PRKCE: variants seen among roughly 807,000 people sequenced by gnomAD.
PRKCE encodes the protein protein kinase C epsilon, also known as protein kinase C epsilon type.
Under a neutral mutation model 85.4 loss-of-function variants are expected in PRKCE, and 16 were observed. That is an observed-to-expected ratio of 0.19 (90% CI 0.13 to 0.28). PRKCE has a LOEUF of 0.28. Ranked by LOEUF, PRKCE falls within the 10% of genes least tolerant of loss-of-function variation. PRKCE has a pLI of 1.00. For missense variants in PRKCE, 573 were observed against 975.2 expected (o/e 0.59, Z 5.49); for synonymous variants, 388 against 371.5 (o/e 1.04, Z -0.51).
intron 2 of PRKCE, among the ~76,000 whole-genome samples, chr2:45,922,962 G>A (rs1323385088): frequency 1.3e-5 from 2 of 152,148 alleles, no homozygotes; most frequent in African/African-American, 4.8e-5. Flanking sequence ...GATATCCCTG[G>A]CTTTACAGGG....
chr2:45,694,215 AG>A (rs1258405841), intron 1 of PRKCE, among the ~76,000 whole-genome samples: 2 of 150,906 alleles, frequency 1.3e-5, no homozygotes, highest in Non-Finnish European at 2.9e-5. Context: ...CAAGTATTAA[AG>A]CCAGGTAAAA....
intron 2 of PRKCE, among the ~76,000 whole-genome samples, chr2:45,970,793 G>T (rs1227810433): frequency 6.6e-6 from 1 of 151,604 alleles, no homozygotes; most frequent in Non-Finnish European, 1.5e-5. Context: ...ATTTAAGAGT[G>T]AAGTGTCACT....
Position 46,086,272 on chromosome 2 carries a change from C to T in PRKCE, c.1502C>T (p.Ser501Phe). 1 of 1,599,712 alleles carries T rather than the reference C, an allele frequency of 6.3e-7. No homozygotes were observed. Residue 501 changes from serine (S) to phenylalanine (F), a missense_variant, in exon 11 of 15, where the codon TCC (serine) becomes TTC (phenylalanine). Physicochemically the swap from Ser to Phe is radical, Grantham distance 155. Transcript: ENST00000306156. ...GACCTCATGTTTCAGATTCAGCGCTCCCGAAAATTCGACGAGCCTCGTTCA... is the reference window on the plus strand; with the variant it reads ...GACCTCATGTTTCAGATTCAGCGCTTCCGAAAATTCGACGAGCCTCGTTCA... ...GGDLMFQIQRSRKFDEPRSRF... is the reference protein window; with the variant it reads ...GGDLMFQIQRFRKFDEPRSRF...
intron 1 of PRKCE, among the ~76,000 whole-genome samples, chr2:45,798,788 T>TA (rs1558684203): frequency 9.9e-5 from 15 of 151,888 alleles, no homozygotes; most frequent in African/African-American, 3.6e-4. Context: ...TTACCTGTTT[T>TA]CAGTGTTTTT....
intron 1 of PRKCE, among the ~76,000 whole-genome samples, chr2:45,787,890 C>T (rs1162965930): frequency 6.6e-6 from 1 of 152,130 alleles, no homozygotes; most frequent in African/African-American, 2.4e-5. Flanking sequence ...AACCAGCGGC[C>T]CATCCAGAGC....
intron 14 of PRKCE, among the ~76,000 whole-genome samples, chr2:46,177,565 T>C (rs1438991594): frequency 6.6e-6 from 1 of 152,190 alleles, no homozygotes; most frequent in East Asian, 1.9e-4. Context: ...CCTCTGTGCA[T>C]GTCTGTCTCT....
intron 2 of PRKCE, among the ~76,000 whole-genome samples, chr2:45,931,251 G>T (rs191725912): frequency 6.6e-6 from 1 of 152,304 alleles, no homozygotes; most frequent in Non-Finnish European, 1.5e-5. Context: ...TTAAGCAAAT[G>T]GTTTTGTGAT....
At chr2:46,005,220 C>T (rs866358915) in intron 8 of PRKCE, among the ~76,000 whole-genome samples, 3 of 152,200 alleles carry the variant, frequency 2.0e-5, no homozygotes, top group East Asian at 1.9e-4. Context: ...CAGATATCTC[C>T]TTCTGTCCGA....
At chr2:46,140,424 G>A (rs1483209259) in intron 11 of PRKCE, among the ~76,000 whole-genome samples, 1 of 152,104 alleles carries the variant, frequency 6.6e-6, no homozygotes, top group Non-Finnish European at 1.5e-5. Flanking sequence ...CAATCAGTGA[G>A]GAAAAGATGA....
In PRKCE at chr2:46,004,685, A is replaced by G. The variant is rs764282153; in HGVS notation, c.1063+47A>G. On this transcript the variant is annotated intron_variant, in intron 8 of 14. Coordinates refer to ENST00000306156, the MANE Select transcript of PRKCE (RefSeq NM_005400.3). This position sits in a 1 kb window ranked among gnomAD's most constrained non-coding sequence, Gnocchi z 4.1. Reference sequence around the variant, plus strand: ...CCTGACCTCTGAGTTCTGCCATTGGATGGACCAAGGAGCTCTGAGGCCTCT... The same window carrying G: ...CCTGACCTCTGAGTTCTGCCATTGGGTGGACCAAGGAGCTCTGAGGCCTCT... 1.4e-6 allele frequency: 2 copies of G among 1,476,718 alleles called. No homozygotes were observed. The highest frequency in any genetic ancestry group is 1.8e-6 in the Non-Finnish European group (2 of 1,090,106). 91.5% of individuals were successfully genotyped at this position (1,476,718 alleles called of 1,614,324 possible).
At chr2:46,031,270 G>A (rs898575732) in intron 10 of PRKCE, among the ~76,000 whole-genome samples, 31 of 152,136 alleles carry the variant, frequency 2.0e-4, no homozygotes, top group African/African-American at 7.5e-4. Flanking sequence ...TTGGCTCTCA[G>A]CCTGCTGTCT....
chr2:45,899,267 C>T (rs1258980905), intron 2 of PRKCE, among the ~76,000 whole-genome samples: 1 of 152,180 alleles, frequency 6.6e-6, no homozygotes, highest in Non-Finnish European at 1.5e-5. Context: ...CTTTTTCCCC[C>T]TTTTGATATT....
At chr2:46,033,255 A>G (rs1227178890) in intron 10 of PRKCE, among the ~76,000 whole-genome samples, 1 of 152,158 alleles carries the variant, frequency 6.6e-6, no homozygotes, top group Non-Finnish European at 1.5e-5. Flanking sequence ...TTGGTGAGAG[A>G]GGTCTGGTAG....
At chr2:46,136,579 C>T (rs1052180248) in intron 11 of PRKCE, among the ~76,000 whole-genome samples, 1 of 152,142 alleles carries the variant, frequency 6.6e-6, no homozygotes, top group African/African-American at 2.4e-5. Context: ...TATCTGCAAA[C>T]CTATGATGAT....
chr2:46,145,260 C>T lies in PRKCE; in HGVS notation c.1731+29C>T. The T allele has an allele frequency of 6.3e-7, 1 of 1,598,734 alleles. No homozygotes were observed. On this transcript the variant is annotated intron_variant, in intron 12 of 14. Transcript: ENST00000306156. The surrounding 1 kb of genome is among the most constrained non-coding windows in gnomAD (Gnocchi z 4.6). ...AGACCTGTGTGCAAAGGTTCACCTCCTCCTGGTGCCAGGACCGAGGCAGGG... is the reference window on the plus strand; with the variant it reads ...AGACCTGTGTGCAAAGGTTCACCTCTTCCTGGTGCCAGGACCGAGGCAGGG...
chr2:45,760,416 T>C (rs1398430259), intron 1 of PRKCE, among the ~76,000 whole-genome samples: 1 of 152,176 alleles, frequency 6.6e-6, no homozygotes, highest in Non-Finnish European at 1.5e-5. Context: ...TACCAACTCT[T>C]CAGGGGAGGC....
rs1461664271 is a variant in PRKCE, at chr2:46,068,431, A to G, written c.1438-17777A>G. ...AATGATATTAAATATATTAATTGAT[A>G]TATCTAATTAATCAGTCATTATTTA... On this transcript the variant is annotated intron_variant, in intron 10 of 14. Transcript: ENST00000306156. This position sits in a 1 kb window ranked among gnomAD's most constrained non-coding sequence, Gnocchi z 4.3. Among the ~76,000 whole-genome samples the G allele has an allele frequency of 1.3e-5, 2 of 152,218 alleles. No individual in the cohort carries two copies. Among genetic ancestry groups the G allele is most frequent in the Non-Finnish European group, 2.9e-5 (2 of 68,040 alleles).
At chr2:46,107,664 G>A (rs1224603429) in intron 11 of PRKCE, among the ~76,000 whole-genome samples, 1 of 152,216 alleles carries the variant, frequency 6.6e-6, no homozygotes, top group African/African-American at 2.4e-5. Flanking sequence ...AAATCATTTT[G>A]CATTTCTATC....
chr2:45,919,233 G>C (rs1698068554), intron 2 of PRKCE, among the ~76,000 whole-genome samples: 1 of 152,218 alleles, frequency 6.6e-6, no homozygotes, highest in Admixed American at 6.5e-5. Flanking sequence ...CGGACAACCT[G>C]TCAAGGGAAA....
Sources: gnomAD v4.1 joint callset for allele counts (sites outside exome capture counted in the v4.1 genomes callset) on GRCh38, gnomAD v4.1.1 for gene constraint, Gnocchi (gnomAD v3.1) non-coding constraint, MANE v1.5 for transcripts, NCBI Gene and HGNC (gene_info 2026-07-23, HGNC 2026-07-21) for gene names.